AOX1: variants seen among roughly 807,000 people sequenced by gnomAD.
AOX1 encodes aldehyde oxidase 1.
In AOX1, 153 loss-of-function variants were observed where a neutral mutation model predicts 169.5. That is an observed-to-expected ratio of 0.90 (90% CI 0.79 to 1.03). AOX1 has a LOEUF of 1.03. AOX1 is among the 50% of genes least tolerant of loss of function. AOX1 has a pLI of 0.00. For missense variants in AOX1, 1,656 were observed against 1,663.9 expected, an observed-to-expected ratio of 1.00 and a Z score of 0.08; for synonymous variants, 562 against 581.9, an observed-to-expected ratio of 0.97 and a Z score of 0.49.
intron 33 of AOX1, among the ~76,000 whole-genome samples, chr2:200,669,259 C>A (rs1480037844): frequency 6.6e-6 from 1 of 152,150 alleles, no homozygotes; most frequent in African/African-American, 2.4e-5. Context: ...GCCTGGCCAA[C>A]CTAGTGAAAC....
At chr2:200,611,852 G>A (rs774363540) in intron 13 of AOX1, among the ~76,000 whole-genome samples, 60 of 151,742 alleles carry the variant, frequency 4.0e-4, no homozygotes, top group Non-Finnish European at 6.3e-4. Flanking sequence ...TTACAGGTGC[G>A]CACCACCATG....
chr2:200,597,456 C>G lies in AOX1; in HGVS notation c.260C>G (p.Thr87Ser). The G allele has an allele frequency of 6.2e-7, 1 of 1,612,768 alleles. No individual in the cohort carries two copies. The highest frequency in any genetic ancestry group is 2.2e-5 in the East Asian group (1 of 44,870). The change falls in exon 4 of 35, where the codon ACC (threonine) becomes AGC (serine). Residue 87 changes from threonine to serine, a missense_variant. Coordinates refer to ENST00000374700, the MANE Select transcript of AOX1 (RefSeq NM_001159.4). ...TGTTCTCTGTATGGTGCTGCCGTCA[C>G]CACAGTAGAAGGCATAGGAAGCACC... is the stretch of plus-strand genomic sequence containing the variant. ...PICSLYGAAV[T>S]TVEGIGSTHT... is the part of the protein sequence containing the mutation.
At chr2:200,638,704 T>A (rs1048090119) in intron 23 of AOX1, among the ~76,000 whole-genome samples, 3 of 152,224 alleles carry the variant, frequency 2.0e-5, no homozygotes, top group African/African-American at 7.2e-5. Context: ...GGGTTCCTCA[T>A]TCTTCAATAT....
chr2:200,669,460 A>C, intron 33 of AOX1, 115 bp from the exon 34 acceptor site: 1 of 1,244,906 alleles, frequency 8.0e-7, no homozygotes, highest in Non-Finnish European at 1.1e-6. Flanking sequence ...CAAAAAAAAA[A>C]AAATGTACAT....
At chr2:200,666,415 C>T (rs2035925271) in intron 31 of AOX1, among the ~76,000 whole-genome samples, 1 of 152,196 alleles carries the variant, frequency 6.6e-6, no homozygotes. Context: ...TTGCATCATA[C>T]AGCTTGAATC....
intron 25 of AOX1, among the ~76,000 whole-genome samples, chr2:200,648,665 C>A (rs1014653347): frequency 1.2e-4 from 19 of 152,154 alleles, no homozygotes; most frequent in African/African-American, 4.3e-4. Flanking sequence ...ATTAAATGTC[C>A]TTTGTCTTCC....
At position 200,596,761 on chromosome 2, in the gene AOX1, GTTTA is replaced by G. The variant is rs72428128; in HGVS notation, c.201-625_201-622del. On this transcript the variant is annotated intron_variant, in intron 3 of 34. Transcript: ENST00000374700. ...GAAGGGGTTGTCACATCGGAGTTTA[GTTTA>G]TTTATTTATTAAGTTTTGCTCATAA... is the stretch of plus-strand genomic sequence containing the variant. 9.7e-3 allele frequency among the ~76,000 whole-genome samples: 1,475 copies of G among 152,234 alleles called. 30 individuals carry two copies. The highest frequency in any genetic ancestry group is 0.033 in the African/African-American group (1,368 of 41,536).
intron 31 of AOX1, among the ~76,000 whole-genome samples, chr2:200,663,600 C>CCA (rs368079275): frequency 8.3e-6 from 1 of 120,774 alleles, no homozygotes; most frequent in African/African-American, 3.1e-5. Context: ...TCTCTCTCCC[C>CCA]CTCTTTCTGT....
intron 27 of AOX1, among the ~76,000 whole-genome samples, chr2:200,657,239 C>A: frequency 7.5e-6 from 1 of 132,806 alleles, no homozygotes; most frequent in East Asian, 2.3e-4. Flanking sequence ...AGCCTGTTTT[C>A]CCACCTACTT....
intron 19 of AOX1, 116 bp downstream of exon 19, chr2:200,624,099 G>C (rs2034949922): frequency 1.6e-6 from 2 of 1,279,718 alleles, no homozygotes; most frequent in East Asian, 4.7e-5. Context: ...AAAGCACACG[G>C]ACTTTATTAA....
At chr2:200,648,727 G>C (rs1290801671) in intron 25 of AOX1, among the ~76,000 whole-genome samples, 2 of 152,188 alleles carry the variant, frequency 1.3e-5, no homozygotes, top group Non-Finnish European at 2.9e-5. Flanking sequence ...GGCTAGGCAT[G>C]TCTGAGCTCA....
At chr2:200,632,354 A>G (rs1406812990) in intron 20 of AOX1, among the ~76,000 whole-genome samples, 2 of 151,098 alleles carry the variant, frequency 1.3e-5, no homozygotes, top group Non-Finnish European at 3.0e-5. Flanking sequence ...AAATATTTAC[A>G]TATATAAAAT....
chr2:200,651,192 T>C lies in AOX1; in HGVS notation c.3066T>C (p.Ala1022=). ...LKFPVGLGSR[A]AGQAAALVHI... Reference sequence around the variant, plus strand: ...TTCCTGTTGGCCTTGGCTCACGTGCTGCTGGTCAGGTGAGTTCTCCAAATG... The same window carrying C: ...TTCCTGTTGGCCTTGGCTCACGTGCCGCTGGTCAGGTGAGTTCTCCAAATG... Residue 1022 remains alanine, a synonymous_variant, in exon 26 of 35, where the codon GCT becomes GCC. Coordinates refer to ENST00000374700, the MANE Select transcript of AOX1 (RefSeq NM_001159.4). 6.2e-7 allele frequency: 1 copy of C among 1,614,064 alleles called. No individual in the cohort carries two copies.
rs972819117 is a variant in AOX1, at chr2:200,659,289, T to C, written c.3296T>C (p.Val1099Ala). Residue 1099 changes from valine to alanine, a missense_variant, in exon 28 of 35, where the codon GTA becomes GCA. Val to Ala is a moderately conservative substitution (Grantham distance 64). Transcript: ENST00000374700. ...GTGGCAGATCTCAACGGTTTGGCAG[T>C]AAAGGTAACAGTCACTGCAGTGGCG... ...SVVADLNGLAVKDACQTLLKR... is the reference protein window; with the variant it reads ...SVVADLNGLAAKDACQTLLKR... 1.9e-6 allele frequency: 3 copies of C among 1,613,226 alleles called. No homozygotes were observed. The highest frequency in any genetic ancestry group is 1.7e-6 in the Non-Finnish European group (2 of 1,179,544).
At chr2:200,589,483 TGGC>T (rs2034124093) in intron 1 of AOX1, among the ~76,000 whole-genome samples, 1 of 152,196 alleles carries the variant, frequency 6.6e-6, no homozygotes, top group African/African-American at 2.4e-5. Flanking sequence ...CTCTGCCACT[TGGC>T]GGGTCTGGGG....
intron 10 of AOX1, among the ~76,000 whole-genome samples, chr2:200,606,078 G>C (rs2034508541): frequency 6.6e-6 from 1 of 152,100 alleles, no homozygotes; most frequent in Non-Finnish European, 1.5e-5. Flanking sequence ...GTCCTGAATG[G>C]TATTGCCTAG....
intron 32 of AOX1, among the ~76,000 whole-genome samples, chr2:200,667,961 G>A (rs1341475174): frequency 6.6e-6 from 1 of 151,824 alleles, no homozygotes; most frequent in Non-Finnish European, 1.5e-5. Flanking sequence ...CTGCCTCATG[G>A]GCAAAAAACA....
In AOX1 at chr2:200,603,353, T is replaced by G. The variant is rs906812759; in HGVS notation, c.585T>G (p.Ser195Arg). 2.5e-5 allele frequency: 40 copies of G among 1,611,784 alleles called. No homozygotes were observed. Among genetic ancestry groups the G allele is most frequent in the Non-Finnish European group, 2.8e-5 (33 of 1,178,154 alleles). ...INGLPEFEEGSKTSPKLFAEE... is the reference protein window; with the variant it reads ...INGLPEFEEGRKTSPKLFAEE... ...GATTGCCAGAATTTGAGGAAGGAAG[T>G]AAGGTCAGTGAAATGTAAAGCTTTT... Residue 195 changes from serine (S) to arginine (R), a missense_variant, in exon 7 of 35, where the codon AGT becomes AGG. By Grantham distance (110) the Ser-to-Arg change is moderately radical. Transcript: ENST00000374700.
Position 200,663,583 on chromosome 2 carries a change from C to CTG in AOX1, c.3543+615_3543+616insGT, listed in dbSNP as rs1559261727. On this transcript the variant is annotated intron_variant, in intron 31 of 34. Coordinates refer to ENST00000374700, the MANE Select transcript of AOX1 (RefSeq NM_001159.4). Reference sequence around the variant, plus strand: ...ACACACACACACACACTCTCTCTCTCTCTCTCTCTCTCTCCCCCTCTTTCT... The same window carrying CTG: ...ACACACACACACACACTCTCTCTCTCTGTCTCTCTCTCTCTCCCCCTCTTTCT... Among the ~76,000 whole-genome samples, 502 of 95,086 alleles carry CTG rather than the reference C, an allele frequency of 5.3e-3. 7 individuals are homozygous for CTG. The highest frequency in any genetic ancestry group is 0.015 in the African/African-American group (460 of 31,436). The allele number at this position is 95,086 out of a possible 152,430, so 62.4% of individuals were successfully genotyped here. A position where few individuals can be genotyped will look rare whatever the true frequency, so the allele number is the denominator to read the frequency against.
Sources: allele counts gnomAD v4.1 joint callset (sites outside exome capture counted in the v4.1 genomes callset), GRCh38; gene constraint gnomAD v4.1.1; transcripts MANE v1.5; gene names NCBI Gene and HGNC (gene_info 2026-07-23, HGNC 2026-07-21).